The following PLEKHH1 variants were observed in gnomAD, a reference collection of about 807,000 sequenced individuals.
PLEKHH1 encodes the protein pleckstrin homology domain-containing family H member 1.
A neutral mutation model predicts 160.0 loss-of-function variants in PLEKHH1; 104 were observed. That is an observed-to-expected ratio of 0.65 (90% CI 0.55 to 0.76). The LOEUF (loss-of-function observed/expected upper bound fraction) is 0.76. PLEKHH1 is among the 30% of genes least tolerant of loss of function. The pLI, the probability that PLEKHH1 is intolerant of heterozygous loss-of-function variation, is 0.00. For synonymous variants in PLEKHH1, 619 were observed against 678.4 expected (o/e 0.91, Z 1.36); for missense variants, 1,427 against 1,724.1 (o/e 0.83, Z 3.05).
intron 2 of PLEKHH1, among the ~76,000 whole-genome samples, chr14:67,544,063 C>T (rs1430256375): frequency 6.6e-6 from 1 of 152,062 alleles, no homozygotes; most frequent in African/African-American, 2.4e-5. Context: ...AAACAGACTT[C>T]TGCATCAAGT....
Position 67,576,617 on chromosome 14 carries a change from A to G in PLEKHH1, c.2461+114A>G. The G allele has an allele frequency of 1.7e-6, 1 of 584,226 alleles. No individual in the cohort carries two copies. The highest frequency in any genetic ancestry group is 3.1e-6 in the Non-Finnish European group (1 of 325,048). 36.2% of individuals were successfully genotyped at this position (584,226 alleles called of 1,614,324 possible). On this transcript the variant is annotated intron_variant, in intron 17 of 28. Transcript: ENST00000329153. The surrounding 1 kb of genome is among the most constrained non-coding windows in gnomAD (Gnocchi z 4.0). Reference sequence around the variant, plus strand: ...CCTGAAGCTGTTTTTAAAACATCTAAGCCACAGAGGGGAAGTTCCCATCCA... The same window carrying G: ...CCTGAAGCTGTTTTTAAAACATCTAGGCCACAGAGGGGAAGTTCCCATCCA...
chr14:67,587,020 C>G (rs1304746985), intron 28 of PLEKHH1, 54 bp from the exon 29 acceptor site: 1 of 1,533,626 alleles, frequency 6.5e-7, no homozygotes, highest in Non-Finnish European at 8.8e-7. Flanking sequence ...GTAAGAAAGC[C>G]AGGATTCAAG....
At chr14:67,537,802 C>G (rs2033799530) in intron 1 of PLEKHH1, among the ~76,000 whole-genome samples, 1 of 152,172 alleles carries the variant, frequency 6.6e-6, no homozygotes, top group Non-Finnish European at 1.5e-5. Context: ...TAATGACTTC[C>G]TGTGCCACCT....
chr14:67,555,935 G>C, intron 3 of PLEKHH1, 48 bp downstream of exon 3: 1 of 1,591,484 alleles, frequency 6.3e-7, no homozygotes, highest in Non-Finnish European at 8.6e-7. Context: ...AATGACCGTC[G>C]GCCCTTCCAG....
At chr14:67,567,586 C>T (rs1344924807) in intron 7 of PLEKHH1, among the ~76,000 whole-genome samples, 1 of 152,042 alleles carries the variant, frequency 6.6e-6, no homozygotes, top group South Asian at 2.1e-4. Flanking sequence ...CCCTCCTTGG[C>T]ATCCTTCCTC....
At chr14:67,557,751 A>G (rs1213551303) in intron 4 of PLEKHH1, among the ~76,000 whole-genome samples, 1 of 152,200 alleles carries the variant, frequency 6.6e-6, no homozygotes, top group Non-Finnish European at 1.5e-5. Flanking sequence ...AAGGGTGGAA[A>G]CACCTCATAG....
chr14:67,566,315 C>T (rs544723866), intron 7 of PLEKHH1, among the ~76,000 whole-genome samples: 2 of 152,220 alleles, frequency 1.3e-5, no homozygotes, highest in East Asian at 3.9e-4. Context: ...TGCTGGCTCT[C>T]TTCTTGCTCT....
Position 67,578,021 on chromosome 14 carries a change from A to C in PLEKHH1, c.2575-2A>C, listed in dbSNP as rs1203777129. 1.2e-6 allele frequency: 2 copies of C among 1,612,688 alleles called. No homozygotes were observed. Among genetic ancestry groups the C allele is most frequent in the East Asian group, 4.5e-5 (2 of 44,858 alleles). On this transcript the variant is annotated splice_acceptor_variant, in intron 18 of 28. Coordinates refer to ENST00000329153, the MANE Select transcript of PLEKHH1 (RefSeq NM_020715.3). LOFTEE classifies it high-confidence loss of function. The surrounding 1 kb of genome is among the most constrained non-coding windows in gnomAD (Gnocchi z 5.0). ...CCTGTGCTCACTGCTGTTCCCTCCC[A>C]GTCCTGCCAGCTCTTCATCAACGTG... is the stretch of plus-strand genomic sequence containing the variant.
intron 4 of PLEKHH1, among the ~76,000 whole-genome samples, chr14:67,557,691 G>A (rs2034651374): frequency 6.6e-6 from 1 of 152,242 alleles, no homozygotes; most frequent in Non-Finnish European, 1.5e-5. Flanking sequence ...GCCTCTGACA[G>A]TGGGCAAAGT....
At position 67,587,219 on chromosome 14, in the gene PLEKHH1, G is replaced by A. The variant is rs752140789; in HGVS notation, c.4079G>A (p.Gly1360Glu). ...FFSSVSCATK[G>E]PTLL ...TCTTCTGTTTCCTGTGCTACCAAGG[G>A]GCCAACGTTGCTGTGAATATTTCTC... Residue 1360 changes from glycine (G) to glutamate (E), a missense_variant, in exon 29 of 29, where the codon GGG becomes GAG. Physicochemically the swap from Gly to Glu is moderately conservative, Grantham distance 98. Transcript: ENST00000329153. The A allele has an allele frequency of 6.2e-7, 1 of 1,613,780 alleles. No homozygotes were observed. The highest frequency in any genetic ancestry group is 8.5e-7 in the Non-Finnish European group (1 of 1,179,810).
Position 67,577,356 on chromosome 14 carries a change from C to T in PLEKHH1, c.2516C>T (p.Ala839Val). The T allele has an allele frequency of 6.3e-7, 1 of 1,590,272 alleles. No homozygotes were observed. Among genetic ancestry groups the T allele is most frequent in the Non-Finnish European group, 8.6e-7 (1 of 1,168,820 alleles). Residue 839 changes from alanine (A) to valine (V), a missense_variant, in exon 18 of 29, where the codon GCC becomes GTC. Around this residue, in one of 6 missense-constraint regions of PLEKHH1, gnomAD observed 436 missense variants for 607.5 expected, o/e 0.72. Coordinates refer to ENST00000329153, the MANE Select transcript of PLEKHH1 (RefSeq NM_020715.3). ...TGCTACAGCAAAGACGGCCTATACGCCTCCCTCACCACCCTGCCCTCTGAG... is the reference window on the plus strand; with the variant it reads ...TGCTACAGCAAAGACGGCCTATACGTCTCCCTCACCACCCTGCCCTCTGAG... Reference protein sequence around the residue: ...MLCYSKDGLYASLTTLPSEAL... With the variant: ...MLCYSKDGLYVSLTTLPSEAL...
intron 2 of PLEKHH1, among the ~76,000 whole-genome samples, chr14:67,553,862 C>CA (rs1376907117): frequency 6.6e-6 from 1 of 152,192 alleles, no homozygotes; most frequent in Non-Finnish European, 1.5e-5. Context: ...AGAACCAACC[C>CA]ACCCACTCAG....
intron 28 of PLEKHH1, chr14:67,586,522 G>T: frequency 3.9e-6 from 3 of 764,760 alleles, no homozygotes; most frequent in African/African-American, 1.8e-5. Flanking sequence ...CAGTCCCACA[G>T]TGCTCCCTCT....
chr14:67,555,352 G>A (rs990762787), intron 2 of PLEKHH1, among the ~76,000 whole-genome samples: 8 of 152,356 alleles, frequency 5.3e-5, no homozygotes, highest in African/African-American at 1.7e-4. Context: ...GGGTGAGGAG[G>A]TATTCATCCC....
chr14:67,580,946 T>C lies in PLEKHH1; in HGVS notation c.3192T>C (p.Asp1064=). The C allele has an allele frequency of 6.2e-7, 1 of 1,610,122 alleles. No homozygotes were observed. Among genetic ancestry groups the C allele is most frequent in the Non-Finnish European group, 8.5e-7 (1 of 1,176,326 alleles). ...TCTTTTGCCTTTTCAAGATCTGTGA[T>C]GCCATCTCCAAGTGGGAACAAGCCA... ...HCLQGSVKIC[D]AISKWEQAMK... is the part of the protein sequence containing the mutation. The change falls in exon 23 of 29, where the codon GAT becomes GAC. Residue 1064 remains aspartate, a synonymous_variant. Transcript: ENST00000329153.
intron 2 of PLEKHH1, among the ~76,000 whole-genome samples, chr14:67,543,736 G>A (rs731680): frequency 0.31 from 46,332 of 151,808 alleles, 7,206 homozygotes; most frequent in African/African-American, 0.34. Context: ...GATATATCTC[G>A]GAGGGAAGAG....
chr14:67,587,179 GGAC>G lies in PLEKHH1; in HGVS notation c.4043_4045del (p.Arg1348del). On this transcript the variant is annotated inframe_deletion, in exon 29 of 29. Coordinates refer to ENST00000329153, the MANE Select transcript of PLEKHH1 (RefSeq NM_020715.3). ...AGCCTGCCAGCTGTGGGAACTGGAT[GGAC>G]GACAGTTCTTTTCTTCTGTTTCCTG... The G allele has an allele frequency of 6.2e-7, 1 of 1,613,814 alleles. No homozygotes were observed. The highest frequency in any genetic ancestry group is 2.2e-5 in the East Asian group (1 of 44,884).
intron 2 of PLEKHH1, among the ~76,000 whole-genome samples, chr14:67,552,649 C>T (rs186560593): frequency 0.01 from 1,484 of 144,706 alleles, 27 homozygotes; most frequent in African/African-American, 0.034. Flanking sequence ...TGCCTGTAGT[C>T]CCAGCTACTC....
At chr14:67,552,557 G>A (rs921739731) in intron 2 of PLEKHH1, among the ~76,000 whole-genome samples, 2 of 152,162 alleles carry the variant, frequency 1.3e-5, no homozygotes, top group African/African-American at 2.4e-5. Flanking sequence ...CACGAGGTCA[G>A]GAGATCGAGA....
Sources: gnomAD v4.1 joint callset for allele counts (sites outside exome capture counted in the v4.1 genomes callset) on GRCh38, gnomAD v4.1.1 for gene constraint, gnomAD v4.1.1 regional missense constraint, Gnocchi (gnomAD v3.1) non-coding constraint, MANE v1.5 for transcripts, NCBI Gene and HGNC (gene_info 2026-07-23, HGNC 2026-07-21) for gene names.